The following SLC11A2 variants were observed in gnomAD, a reference collection of about 807,000 sequenced individuals.
SLC11A2 encodes solute carrier family 11 member 2.
In SLC11A2, 38 loss-of-function variants were observed where a neutral mutation model predicts 68.0. The ratio of observed to expected loss-of-function variants is 0.56; its 90% CI spans 0.43 to 0.73. SLC11A2 has a LOEUF of 0.73. Ranked by LOEUF, SLC11A2 falls within the 30% of genes least tolerant of loss-of-function variation. SLC11A2 has a pLI of 0.00. For synonymous variants in SLC11A2, 242 were observed against 250.6 expected, an observed-to-expected ratio of 0.97 and a Z score of 0.32; for missense variants, 517 against 690.5, an observed-to-expected ratio of 0.75 and a Z score of 2.82.
chr12:50,953,992 GA>G, the SLC11A2 span: 25 of 1,586,454 alleles, frequency 1.6e-5, no homozygotes, highest in Non-Finnish European at 2.1e-5. Context: ...TGTTACTAGA[GA>G]AAAAAATGTC....
At chr12:50,994,743 A>C in intron 10 of SLC11A2, 113 bp from the exon 11 acceptor site, 1 of 734,278 alleles carries the variant, frequency 1.4e-6, no homozygotes, top group South Asian at 1.4e-5. Flanking sequence ...GAGGGAAAAC[A>C]CTGGACATAT....
chr12:50,993,212 A>G (rs1941357840), intron 11 of SLC11A2: 4 of 317,170 alleles, frequency 1.3e-5, no homozygotes, highest in Non-Finnish European at 1.7e-5. Flanking sequence ...AAAAAAAAAA[A>G]GAGGTCTACA....
chr12:51,026,241 C>A (rs1355084813), intron 1 of SLC11A2, 69 bp downstream of exon 1: 1 of 1,223,720 alleles, frequency 8.2e-7, no homozygotes, highest in Admixed American at 2.6e-5. Context: ...CACAGGCCCT[C>A]GAGCCGCCCC....
At chr12:50,992,165 T>C in intron 13 of SLC11A2, 25 bp downstream of exon 13, 10 of 1,612,920 alleles carry the variant, frequency 6.2e-6, no homozygotes, top group Non-Finnish European at 8.5e-6. Context: ...ATAACTAGGA[T>C]GTGTTTCCTC....
At chr12:51,008,241 GATA>G (rs1566020162) in intron 3 of SLC11A2, 4 of 427,550 alleles carry the variant, frequency 9.4e-6, no homozygotes, top group African/African-American at 2.1e-5. Context: ...TAGATAGATA[GATA>G]GATAGATAGA....
intron 3 of SLC11A2, among the ~76,000 whole-genome samples, chr12:51,006,788 A>C (rs926549453): frequency 5.9e-5 from 9 of 152,214 alleles, no homozygotes; most frequent in Non-Finnish European, 1.3e-4. Flanking sequence ...ATTTTTGTAG[A>C]GACAGGGTTT....
chr12:50,987,388 G>C lies in SLC11A2; in HGVS notation c.*937C>G, dbSNP rs995342892. The C allele has an allele frequency of 3.1e-6, 4 of 1,287,066 alleles. No homozygotes were observed. The African/African-American group carries it at 6.1e-5, about 20-fold the overall frequency. 79.7% of individuals were successfully genotyped at this position (1,287,066 alleles called of 1,614,324 possible). A position where few individuals can be genotyped will look rare whatever the true frequency, so the allele number is the denominator to read the frequency against. On this transcript the variant is annotated 3_prime_UTR_variant, in exon 16 of 16. Transcript: ENST00000262052. ...AAAAACATGACGATTCTGCTGAGAG[G>C]TGGCTTTAGGAACAAAATAGATGGC...
At chr12:50,971,168 C>T in the SLC11A2 span, among the ~76,000 whole-genome samples, 19 of 150,678 alleles carry the variant, frequency 1.3e-4, no homozygotes, top group East Asian at 1.2e-3. Flanking sequence ...GCGTGAGCCA[C>T]GGCGCCGAGC....
At chr12:50,972,338 A>G in the SLC11A2 span, among the ~76,000 whole-genome samples, 1 of 152,262 alleles carries the variant, frequency 6.6e-6, no homozygotes, top group African/African-American at 2.4e-5. Context: ...GTTGCTTGAA[A>G]AAAGCAATGC....
intron 1 of SLC11A2, among the ~76,000 whole-genome samples, chr12:51,023,086 CTTCT>C (rs1040032640): frequency 3.3e-5 from 5 of 152,152 alleles, no homozygotes; most frequent in African/African-American, 1.2e-4. Flanking sequence ...CTTGAAGGCT[CTTCT>C]TTGTGTCTCA....
At chr12:51,011,143 CTT>C (rs1943186443) in intron 1 of SLC11A2, among the ~76,000 whole-genome samples, 1 of 143,332 alleles carries the variant, frequency 7.0e-6, no homozygotes, top group Non-Finnish European at 1.5e-5. Flanking sequence ...TTTTTTGAGT[CTT>C]TGAGTCGGAG....
the SLC11A2 span, among the ~76,000 whole-genome samples, chr12:50,954,936 G>A: frequency 6.6e-6 from 1 of 151,980 alleles, no homozygotes; most frequent in Non-Finnish European, 1.5e-5. Context: ...CTCTGTGCTG[G>A]CTTCTTGGTG....
chr12:51,010,532 C>T (rs530562136), intron 2 of SLC11A2, among the ~76,000 whole-genome samples, 163 bp downstream of exon 2: 4 of 131,294 alleles, frequency 3.0e-5, no homozygotes, highest in Admixed American at 7.8e-5. Flanking sequence ...AAAAAAAATC[C>T]ATTTTCATTT....
chr12:51,005,001 C>T, intron 4 of SLC11A2, 94 bp from the exon 5 acceptor site: 5 of 1,435,666 alleles, frequency 3.5e-6, no homozygotes, highest in African/African-American at 1.4e-5. Flanking sequence ...GTGGTAAATA[C>T]TGCATTCAGA....
chr12:51,015,825 C>T (rs936257593), intron 1 of SLC11A2, among the ~76,000 whole-genome samples: 1 of 152,074 alleles, frequency 6.6e-6, no homozygotes, highest in South Asian at 2.1e-4. Context: ...TTCTTCCTAT[C>T]GAACAGCAAT....
At chr12:51,016,187 G>A (rs1943635800) in intron 1 of SLC11A2, among the ~76,000 whole-genome samples, 1 of 152,094 alleles carries the variant, frequency 6.6e-6, no homozygotes, top group African/African-American at 2.4e-5. Context: ...GATTGCTTAA[G>A]CCCAGGAGTT....
chr12:50,998,365 A>C (rs1941919194), intron 8 of SLC11A2, among the ~76,000 whole-genome samples: 1 of 152,144 alleles, frequency 6.6e-6, no homozygotes, highest in Non-Finnish European at 1.5e-5. Context: ...TGGCTCAAAA[A>C]TAAATAAATA....
chr12:50,967,605 G>A, the SLC11A2 span, among the ~76,000 whole-genome samples: 1 of 152,254 alleles, frequency 6.6e-6, no homozygotes. Context: ...AAACTATTTT[G>A]CTACTAAATG....
At chr12:51,025,715 G>A in intron 1 of SLC11A2, 1 of 978,144 alleles carries the variant, frequency 1.0e-6, no homozygotes, top group African/African-American at 1.7e-5. Context: ...GCTCATTGGA[G>A]CCTGGAATCC....
Sources: allele counts gnomAD v4.1 joint callset (sites outside exome capture counted in the v4.1 genomes callset), GRCh38; gene constraint gnomAD v4.1.1; transcripts MANE v1.5; gene names NCBI Gene and HGNC (gene_info 2026-07-23, HGNC 2026-07-21).